Variants in SLC26A5 observed in about 807,000 individuals in gnomAD.
SLC26A5 encodes prestin.
In SLC26A5, 51 loss-of-function variants were observed where a neutral mutation model predicts 81.0. That is an observed-to-expected ratio of 0.63 (90% confidence interval 0.50 to 0.80). The LOEUF is 0.80. Among genes scored for constraint, SLC26A5 ranks in the 30% least tolerant of loss-of-function variants. The pLI, the probability that SLC26A5 is intolerant of heterozygous loss-of-function variation, is 0.00. For synonymous variants in SLC26A5, 325 were observed against 332.8 expected (o/e 0.98, Z 0.25); for missense variants, 771 against 905.8 (o/e 0.85, Z 1.91).
Position 103,421,429 on chromosome 7 carries a change from T to G in SLC26A5, c.86A>C (p.Gln29Pro). The G allele has an allele frequency of 6.2e-7, 1 of 1,614,120 alleles. No individual in the cohort carries two copies. Among genetic ancestry groups the G allele is most frequent in the Non-Finnish European group, 8.5e-7 (1 of 1,179,956 alleles). The change falls in exon 3 of 20, where the codon CAG becomes CCG. Residue 29 changes from glutamine (Q) to proline (P), a missense_variant. Gln to Pro is a moderately conservative substitution (Grantham distance 76). Transcript: ENST00000306312. Reference sequence around the variant, plus strand: ...CTTGTCCTTTGTGTGTAGTCTTTCCTGGAGGACCGGATGACTAAAGATAGG... The same window carrying G: ...CTTGTCCTTTGTGTGTAGTCTTTCCGGGAGGACCGGATGACTAAAGATAGG... The part of the protein sequence containing the change: ...ERPIFSHPVL[Q>P]ERLHTKDKVP...
intron 17 of SLC26A5, 114 bp downstream of exon 17, chr7:103,378,332 T>A (rs1821508355): frequency 4.7e-6 from 5 of 1,057,826 alleles, no homozygotes; most frequent in Non-Finnish European, 7.3e-6. Context: ...AGGTGGTTTC[T>A]AAACTTTCCT....
Position 103,404,412 on chromosome 7 carries a change from G to T in SLC26A5, c.888+3439C>A, listed in dbSNP as rs1823862357. The stretch of plus-strand genomic sequence containing the variant: ...AAAATCTCTCAGCATTTGCTTGTCT[G>T]TAAAGGATTTCATTTATCCTTTGCT... On this transcript the variant is annotated intron_variant, in intron 8 of 19. Transcript: ENST00000306312. Among the ~76,000 whole-genome samples, 3 of 152,154 alleles carry T rather than the reference G, an allele frequency of 2.0e-5. No homozygotes were observed. The South Asian group carries it at 6.2e-4, about 32-fold the overall frequency.
intron 2 of SLC26A5, among the ~76,000 whole-genome samples, chr7:103,437,618 C>A (rs1269326274): frequency 6.6e-6 from 1 of 152,074 alleles, no homozygotes; most frequent in Non-Finnish European, 1.5e-5. Flanking sequence ...AGAAAGAAAT[C>A]ATGTTATTTG....
chr7:103,435,719 C>A (rs1465261591), intron 2 of SLC26A5, among the ~76,000 whole-genome samples: 1 of 152,122 alleles, frequency 6.6e-6, no homozygotes, highest in Non-Finnish European at 1.5e-5. Flanking sequence ...TAACTCCATA[C>A]AGGGGGTTCT....
chr7:103,415,078 G>T (rs1218782101), intron 4 of SLC26A5, among the ~76,000 whole-genome samples: 2 of 152,104 alleles, frequency 1.3e-5, no homozygotes, highest in African/African-American at 4.8e-5. Flanking sequence ...CTCAGCTTTG[G>T]GGGCTCAGCC....
Position 103,411,575 on chromosome 7 carries a change from CA to C in SLC26A5, c.414del (p.Val139LeufsTer4). 1 of 1,614,154 alleles carries C rather than the reference CA, an allele frequency of 6.2e-7. No homozygotes were observed. Among genetic ancestry groups the C allele is most frequent in the Non-Finnish European group, 8.5e-7 (1 of 1,180,018 alleles). On this transcript the variant is annotated frameshift_variant, in exon 6 of 20. Transcript: ENST00000306312. LOFTEE classifies it high-confidence loss of function. ...TSRHISIGPF[A>X]VISLMIGGVA... is the part of the protein sequence containing the mutation. ...ACACCACCAATCATCAGGCTAATAA[CA>C]GCAAAAGGACCTGAAATAATGAAGC...
intron 8 of SLC26A5, among the ~76,000 whole-genome samples, chr7:103,403,287 C>T (rs1473409765): frequency 6.6e-6 from 1 of 152,066 alleles, no homozygotes; most frequent in Non-Finnish European, 1.5e-5. Context: ...GTTTTACTTC[C>T]AATTATGAGG....
Position 103,432,390 on chromosome 7 carries a change from A to T in SLC26A5, c.-54+10693T>A, listed in dbSNP as rs1826146915. On this transcript the variant is annotated intron_variant, in intron 2 of 19. Transcript: ENST00000306312. ...GCTTCTCCTGTCATTGTGTGCTTTAACCTCTTACATTTTACAGCTTTTTAT... is the reference window on the plus strand; with the variant it reads ...GCTTCTCCTGTCATTGTGTGCTTTATCCTCTTACATTTTACAGCTTTTTAT... 2.0e-5 allele frequency among the ~76,000 whole-genome samples: 3 copies of T among 152,050 alleles called. No homozygotes were observed. In the South Asian group the frequency reaches 6.2e-4, roughly 31 times the overall value.
At chr7:103,427,686 T>C (rs1048740037) in intron 2 of SLC26A5, among the ~76,000 whole-genome samples, 1 of 152,148 alleles carries the variant, frequency 6.6e-6, no homozygotes, top group African/African-American at 2.4e-5. Flanking sequence ...ATGCTCTGAA[T>C]TGGAGGTCAT....
Position 103,367,432 on chromosome 7 carries a change from T to C in SLC26A5, c.2041+9376A>G. 1 of 1,613,836 alleles carries C rather than the reference T, an allele frequency of 6.2e-7. No homozygotes were observed. Among genetic ancestry groups the C allele is most frequent in the South Asian group, 1.1e-5 (1 of 91,082 alleles). Reference sequence around the variant, plus strand: ...TCTCAGGGGCTCGTTTTGATGATGGTGCTGGAGGTGACAATGAAGTGCAGA... The same window carrying C: ...TCTCAGGGGCTCGTTTTGATGATGGCGCTGGAGGTGACAATGAAGTGCAGA... On this transcript the variant is annotated intron_variant, in intron 19 of 19. Coordinates refer to the SLC26A5 transcript ENST00000339444. This position sits in a 1 kb window ranked among gnomAD's most constrained non-coding sequence, Gnocchi z 6.1.
chr7:103,421,445 T>C lies in SLC26A5; in HGVS notation c.70A>G (p.Ser24Gly). The C allele has an allele frequency of 6.2e-7, 1 of 1,614,046 alleles. No homozygotes were observed. Among genetic ancestry groups the C allele is most frequent in the Non-Finnish European group, 8.5e-7 (1 of 1,179,908 alleles). The change falls in exon 3 of 20, where the codon AGT becomes GGT. Residue 24 changes from serine to glycine, a missense_variant. By Grantham distance (56) the Ser-to-Gly change is moderately conservative (BLOSUM62 0). Transcript: ENST00000306312. ...AGTCTTTCCTGGAGGACCGGATGACTAAAGATAGGCCTTTCCACATAGTAC... is the reference window on the plus strand; with the variant it reads ...AGTCTTTCCTGGAGGACCGGATGACCAAAGATAGGCCTTTCCACATAGTAC... The part of the protein sequence containing the change: ...QRYYVERPIF[S>G]HPVLQERLHT...
At chr7:103,433,324 C>T (rs1826213953) in intron 2 of SLC26A5, 1 of 152,132 alleles carries the variant, frequency 6.6e-6, no homozygotes, top group Admixed American at 6.5e-5. Context: ...TTCTGACAGT[C>T]TTTATTTCAA....
chr7:103,398,365 A>C (rs913369141), intron 8 of SLC26A5, among the ~76,000 whole-genome samples: 1 of 152,186 alleles, frequency 6.6e-6, no homozygotes, highest in Non-Finnish European at 1.5e-5. Flanking sequence ...CAATGTTATG[A>C]ATAAAGGATA....
At position 103,397,716 on chromosome 7, in the gene SLC26A5, C is replaced by CAAA. The variant is rs72106385; in HGVS notation, c.971+213_971+215dup. Among the ~76,000 whole-genome samples, 2,683 of 118,432 alleles carry CAAA rather than the reference C, an allele frequency of 0.023. 91 individuals carry two copies. The highest frequency in any genetic ancestry group is 0.088 in the African/African-American group (2,559 of 29,138). The allele number at this position is 118,432 out of a possible 152,430, so 77.7% of individuals were successfully genotyped here. The stretch of plus-strand genomic sequence containing the variant: ...CAGGCGACAGAGTGAGACTTCGTCT[C>CAAA]AAAAAAAAAAAAAAAAGGTTAAGAC... On this transcript the variant is annotated intron_variant, in intron 9 of 19. Coordinates refer to ENST00000306312, the MANE Select transcript of SLC26A5 (RefSeq NM_198999.3).
chr7:103,367,023 T>C lies in SLC26A5; in HGVS notation c.2041+9785A>G, dbSNP rs1820753942. Among the ~76,000 whole-genome samples, 1 of 152,190 alleles carries C rather than the reference T, an allele frequency of 6.6e-6. No individual in the cohort carries two copies. Among genetic ancestry groups the C allele is most frequent in the African/African-American group, 2.4e-5 (1 of 41,444 alleles). ...TTTCACCATGTTGGCCAGGCTGGTC[T>C]CGAACTCCTGAGGACAAGTTATTTT... is the stretch of plus-strand genomic sequence containing the variant. On this transcript the variant is annotated intron_variant, in intron 19 of 19. Coordinates refer to the SLC26A5 transcript ENST00000339444. This position sits in a 1 kb window ranked among gnomAD's most constrained non-coding sequence, Gnocchi z 6.1.
intron 2 of SLC26A5, among the ~76,000 whole-genome samples, chr7:103,424,205 A>G (rs1307587651): frequency 6.6e-6 from 1 of 152,162 alleles, no homozygotes; most frequent in Non-Finnish European, 1.5e-5. Flanking sequence ...TAATCATTGT[A>G]TCTTCCAAAC....
At position 103,407,849 on chromosome 7, in the gene SLC26A5, A is replaced by G. The variant is rs1450641418; in HGVS notation, c.888+2T>C. ...GTAGGTCACTGACCGAAGGTGACTT[A>G]CCGCAAAGAACTCTAAAGGAATAGG... On this transcript the variant is annotated splice_donor_variant, in intron 8 of 19. Coordinates refer to ENST00000306312, the MANE Select transcript of SLC26A5 (RefSeq NM_198999.3). LOFTEE classifies it high-confidence loss of function. 6.2e-7 allele frequency: 1 copy of G among 1,613,954 alleles called. No individual in the cohort carries two copies. Among genetic ancestry groups the G allele is most frequent in the Non-Finnish European group, 8.5e-7 (1 of 1,179,978 alleles).
At chr7:103,391,058 G>A (rs1563531367) in intron 11 of SLC26A5, among the ~76,000 whole-genome samples, 1 of 152,060 alleles carries the variant, frequency 6.6e-6, no homozygotes, top group Non-Finnish European at 1.5e-5. Context: ...TAGAGACAGG[G>A]TTCACCAGGT....
rs1351970632 is a variant in SLC26A5 at position 103,378,696 on chromosome 7, G to A, written c.1678-143C>T. The A allele has an allele frequency of 8.0e-6, 6 of 751,346 alleles. No homozygotes were observed. The African/African-American group carries it at 8.5e-5, about 11-fold the overall frequency. The allele number at this position is 751,346 out of a possible 1,614,324, so 46.5% of individuals were successfully genotyped here. ...CCCTTGCACTGCCTTTCCCTCAGAG[G>A]CCCTGAACTGGTTACTCCCTTACAT... On this transcript the variant is annotated intron_variant, in intron 16 of 19. Transcript: ENST00000306312.
Sources: allele counts gnomAD v4.1 joint callset (sites outside exome capture counted in the v4.1 genomes callset), GRCh38; gene constraint gnomAD v4.1.1; non-coding constraint Gnocchi (gnomAD v3.1); transcripts MANE v1.5; gene names NCBI Gene and HGNC (gene_info 2026-07-23, HGNC 2026-07-21).